PBX3: variants seen among roughly 807,000 people sequenced by gnomAD.
The protein encoded by PBX3 is pre-B-cell leukemia transcription factor 3.
PBX3 carries 14 observed loss-of-function variants against 48.5 expected under a neutral mutation model. The ratio of observed to expected loss-of-function variants is 0.29; its 90% CI spans 0.19 to 0.45. PBX3 has a LOEUF of 0.45. Ranked by LOEUF, PBX3 falls within the 20% of genes least tolerant of loss-of-function variation. The probability of loss-of-function intolerance (pLI) is 1.00; values close to 1 mark genes in which losing one functional copy is unlikely to be tolerated. For missense variants in PBX3, 386 were observed against 546.7 expected (o/e 0.71, Z 2.93); for synonymous variants, 210 against 200.3 (o/e 1.05, Z -0.41).
intron 2 of PBX3, among the ~76,000 whole-genome samples, chr9:125,810,824 A>G (rs1476042976): frequency 6.6e-6 from 1 of 152,166 alleles, no homozygotes; most frequent in East Asian, 1.9e-4. Flanking sequence ...TGAAGGTGGA[A>G]GAACTGGCAG....
At chr9:125,913,284 A>G (rs889547404) in intron 2 of PBX3, among the ~76,000 whole-genome samples, 16 of 152,142 alleles carry the variant, frequency 1.1e-4, no homozygotes, top group Admixed American at 6.5e-4. Flanking sequence ...GCATTAAAAC[A>G]TATTTTCCTG....
Position 125,929,635 on chromosome 9 carries a change from A to ATTTTTTTTTTT in PBX3, c.517-11_517-10insTTTTTTTTTTT. 6.4e-7 allele frequency: 1 copy of ATTTTTTTTTTT among 1,551,758 alleles called. No homozygotes were observed. The highest frequency in any genetic ancestry group is 1.8e-5 in the Admixed American group (1 of 54,516). The stretch of plus-strand genomic sequence containing the variant: ...ATAGTAGATAGTTTCCAAAGGAGTG[A>ATTTTTTTTTTT]TTTTTTTTTCCCATTACAGGCATGT... On this transcript the variant is annotated intron_variant, in intron 3 of 8. Transcript: ENST00000373489.
At chr9:125,948,651 G>C (rs536524772) in intron 5 of PBX3, among the ~76,000 whole-genome samples, 2 of 151,820 alleles carry the variant, frequency 1.3e-5, no homozygotes, top group African/African-American at 4.8e-5. Context: ...TGTGTATGTG[G>C]TATGTGTATG....
intron 2 of PBX3, among the ~76,000 whole-genome samples, chr9:125,788,402 C>G (rs1314265517): frequency 1.3e-5 from 2 of 152,082 alleles, no homozygotes; most frequent in African/African-American, 4.8e-5. Flanking sequence ...ATCCCAAAAC[C>G]CATTGGGATG....
chr9:125,862,451 A>G (rs1839883124), intron 2 of PBX3, among the ~76,000 whole-genome samples: 1 of 152,108 alleles, frequency 6.6e-6, no homozygotes, highest in African/African-American at 2.4e-5. Context: ...CAGTGGCACA[A>G]TCTCGGCTCA....
chr9:125,858,247 C>T (rs1188887001), intron 2 of PBX3, among the ~76,000 whole-genome samples: 1 of 152,098 alleles, frequency 6.6e-6, no homozygotes, highest in East Asian at 1.9e-4. Context: ...TGCTTGTAGT[C>T]CTAGCTACTT....
intron 2 of PBX3, among the ~76,000 whole-genome samples, chr9:125,789,117 C>T (rs1449623396): frequency 3.9e-5 from 6 of 152,040 alleles, no homozygotes; most frequent in South Asian, 2.1e-4. Context: ...TTCATTTTTC[C>T]TGCTGTATCG....
intron 2 of PBX3, among the ~76,000 whole-genome samples, chr9:125,880,964 G>T (rs1056053040): frequency 6.6e-6 from 1 of 152,202 alleles, no homozygotes; most frequent in Non-Finnish European, 1.5e-5. Context: ...TAGGTGTATT[G>T]TGCATTTTAC....
At chr9:125,807,800 T>G (rs1838171055) in intron 2 of PBX3, among the ~76,000 whole-genome samples, 1 of 152,204 alleles carries the variant, frequency 6.6e-6, no homozygotes, top group Non-Finnish European at 1.5e-5. Flanking sequence ...ATTACTTTGG[T>G]TTCCCATGCA....
chr9:125,930,805 A>C (rs1841696902), intron 4 of PBX3, among the ~76,000 whole-genome samples: 1 of 152,044 alleles, frequency 6.6e-6, no homozygotes, highest in South Asian at 2.1e-4. Flanking sequence ...CCCATCCTCC[A>C]TATCCCTTGT....
intron 3 of PBX3, among the ~76,000 whole-genome samples, chr9:125,928,006 C>G (rs1841617736): frequency 6.6e-6 from 1 of 151,906 alleles, no homozygotes; most frequent in Non-Finnish European, 1.5e-5. Context: ...CATGGTGAAA[C>G]CCCATCTCTA....
chr9:125,782,863 C>T (rs2132040653), intron 2 of PBX3, among the ~76,000 whole-genome samples: 2 of 152,122 alleles, frequency 1.3e-5, no homozygotes, highest in South Asian at 4.1e-4. Flanking sequence ...TCTTTCAGCA[C>T]TTTAAATATG....
intron 3 of PBX3, among the ~76,000 whole-genome samples, chr9:125,918,458 T>G (rs905926102): frequency 6.6e-6 from 1 of 152,254 alleles, no homozygotes; most frequent in African/African-American, 2.4e-5. Flanking sequence ...TTTGTTTGTT[T>G]GTTTTTTTAA....
chr9:125,870,392 C>T (rs982014555), intron 2 of PBX3, among the ~76,000 whole-genome samples: 2 of 152,118 alleles, frequency 1.3e-5, no homozygotes, highest in Admixed American at 6.6e-5. Flanking sequence ...TACATGGTGG[C>T]AGACGAGAGA....
At chr9:125,760,627 T>C (rs1300091377) in intron 2 of PBX3, among the ~76,000 whole-genome samples, 2 of 152,198 alleles carry the variant, frequency 1.3e-5, no homozygotes, top group Non-Finnish European at 2.9e-5. Context: ...ACTTGGATAG[T>C]AACAATAATT....
chr9:125,819,201 T>C (rs1290820125), intron 2 of PBX3, among the ~76,000 whole-genome samples: 2 of 152,128 alleles, frequency 1.3e-5, no homozygotes, highest in East Asian at 1.9e-4. Context: ...TTTTTTTACT[T>C]TTTAATTTTC....
At chr9:125,769,385 C>A (rs943970240) in intron 2 of PBX3, among the ~76,000 whole-genome samples, 15 of 152,136 alleles carry the variant, frequency 9.9e-5, no homozygotes, top group African/African-American at 2.9e-4. Context: ...ACCAGGGGTC[C>A]ACGGACACCA....
At chr9:125,896,209 C>T (rs529638290) in intron 2 of PBX3, among the ~76,000 whole-genome samples, 1 of 151,914 alleles carries the variant, frequency 6.6e-6, no homozygotes, top group Non-Finnish European at 1.5e-5. Context: ...TCCCTAGTAA[C>T]CGACAAGGTA....
intron 2 of PBX3, among the ~76,000 whole-genome samples, chr9:125,802,588 C>G (rs1837991051): frequency 6.6e-6 from 1 of 151,932 alleles, no homozygotes; most frequent in African/African-American, 2.4e-5. Context: ...AGGCTGGTCT[C>G]AAACTCCTGG....
Sources: allele counts gnomAD v4.1 joint callset (sites outside exome capture counted in the v4.1 genomes callset), GRCh38; gene constraint gnomAD v4.1.1; transcripts MANE v1.5; gene names NCBI Gene and HGNC (gene_info 2026-07-23, HGNC 2026-07-21).